The following LDHAL6A variants were observed in gnomAD, a reference collection of about 807,000 sequenced individuals.
LDHAL6A encodes the protein L-lactate dehydrogenase A-like 6A.
LDHAL6A carries 19 observed loss-of-function variants against 28.2 expected under a neutral mutation model. The ratio of observed to expected loss-of-function variants is 0.67; its 90% confidence interval spans 0.47 to 0.99. LDHAL6A has a LOEUF of 0.99. Among genes scored for constraint, LDHAL6A ranks in the 50% least tolerant of loss-of-function variants. LDHAL6A has a pLI of 0.00. For synonymous variants in LDHAL6A, 144 were observed against 134.4 expected (o/e 1.07, Z -0.49); for missense variants, 372 against 398.6 (o/e 0.93, Z 0.57).
intron 1 of LDHAL6A, among the ~76,000 whole-genome samples, chr11:18,458,274 G>T (rs941858400): frequency 6.6e-6 from 1 of 152,190 alleles, no homozygotes; most frequent in Non-Finnish European, 1.5e-5. Flanking sequence ...AAGGGCAGGA[G>T]TGCATTCCAT....
At chr11:18,472,250 T>C (rs1005728469) in intron 3 of LDHAL6A, among the ~76,000 whole-genome samples, 1 of 152,176 alleles carries the variant, frequency 6.6e-6, no homozygotes, top group African/African-American at 2.4e-5. Flanking sequence ...GGTTCTTCAC[T>C]TGACAGCTTT....
At position 18,469,775 on chromosome 11, in the gene LDHAL6A, C is replaced by G. The variant is rs368445053; in HGVS notation, c.418+3965C>G. On this transcript the variant is annotated intron_variant, in intron 3 of 6. Transcript: ENST00000280706. ...AAAATGGTCCACTAAGAACCATCTT[C>G]AAAATTTCAGGTGCTTCAAAAGTTA... Among the ~76,000 whole-genome samples the G allele has an allele frequency of 1.5e-3, 236 of 152,274 alleles. 1 individual carries two copies. Among genetic ancestry groups the G allele is most frequent in the African/African-American group, 5.0e-3 (209 of 41,566 alleles).
At chr11:18,475,383 T>C in intron 3 of LDHAL6A, 83 bp from the exon 4 acceptor site, 1 of 1,096,326 alleles carries the variant, frequency 9.1e-7, no homozygotes. Context: ...AAACATCAGA[T>C]TTACTAGTTT....
intron 6 of LDHAL6A, among the ~76,000 whole-genome samples, 157 bp from the exon 7 acceptor site, chr11:18,478,549 G>C (rs951876648): frequency 6.6e-6 from 1 of 151,892 alleles, no homozygotes; most frequent in South Asian, 2.1e-4. Context: ...GACAGAGCAA[G>C]AGTCCGTCTC....
At chr11:18,470,390 G>C (rs986371145) in intron 3 of LDHAL6A, among the ~76,000 whole-genome samples, 3 of 152,160 alleles carry the variant, frequency 2.0e-5, no homozygotes, top group Admixed American at 6.5e-5. Context: ...TGGTGGTTCT[G>C]TAGTAAAGGC....
chr11:18,472,964 T>C (rs1211556502), intron 3 of LDHAL6A, among the ~76,000 whole-genome samples: 1 of 152,168 alleles, frequency 6.6e-6, no homozygotes, highest in Non-Finnish European at 1.5e-5. Flanking sequence ...TGTGAATGGC[T>C]CTAAAAACCA....
intron 3 of LDHAL6A, among the ~76,000 whole-genome samples, chr11:18,471,842 T>G (rs1849264846): frequency 6.6e-6 from 1 of 150,944 alleles, no homozygotes; most frequent in Non-Finnish European, 1.5e-5. Flanking sequence ...TAATTGTTGA[T>G]TTAAGAGTAT....
chr11:18,456,347 G>T lies in LDHAL6A; in HGVS notation c.-334G>T. The T allele has an allele frequency of 4.2e-6, 1 of 239,508 alleles. No individual in the cohort carries two copies. The highest frequency in any genetic ancestry group is 8.1e-6 in the Non-Finnish European group (1 of 123,406). 14.8% of individuals were successfully genotyped at this position (239,508 alleles called of 1,614,324 possible). ...GGGGAGAGAAAAGGGGGTCAGCTGC[G>T]GGACGGAGTGCCGTCCCAGCTGTAG... On this transcript the variant is annotated 5_prime_UTR_variant, in exon 1 of 7. Coordinates refer to ENST00000280706, the MANE Select transcript of LDHAL6A (RefSeq NM_144972.5).
At chr11:18,466,376 G>A (rs1198379497) in intron 3 of LDHAL6A, among the ~76,000 whole-genome samples, 3 of 152,190 alleles carry the variant, frequency 2.0e-5, no homozygotes, top group Non-Finnish European at 4.4e-5. Flanking sequence ...TGTGAGGCCA[G>A]ATGCAGTGGC....
intron 1 of LDHAL6A, among the ~76,000 whole-genome samples, chr11:18,458,506 CTT>C (rs1015742661): frequency 3.2e-4 from 49 of 152,292 alleles, no homozygotes; most frequent in African/African-American, 1.2e-3. Context: ...ATTTGTATAT[CTT>C]AGGAAATAGG....
intron 1 of LDHAL6A, among the ~76,000 whole-genome samples, chr11:18,463,256 C>T (rs1035826874): frequency 2.0e-5 from 3 of 152,026 alleles, no homozygotes; most frequent in African/African-American, 7.2e-5. Flanking sequence ...AATGGGTTAT[C>T]AGGGGAGTGG....
At chr11:18,457,983 A>G (rs1357584037) in intron 1 of LDHAL6A, among the ~76,000 whole-genome samples, 3 of 152,236 alleles carry the variant, frequency 2.0e-5, no homozygotes, top group Admixed American at 2.0e-4. Flanking sequence ...AGATAAGTAT[A>G]CAGGTAATAT....
rs1404102745 is a variant in LDHAL6A at position 18,467,990 on chromosome 11, TGC to T, written c.418+2181_418+2182del. Among the ~76,000 whole-genome samples the T allele has an allele frequency of 5.8e-3, 244 of 42,078 alleles. 23 individuals are homozygous for T. Among genetic ancestry groups the T allele is most frequent in the African/African-American group, 0.035 (228 of 6,428 alleles). 27.6% of individuals were successfully genotyped at this position (42,078 alleles called of 152,430 possible). A position where few individuals can be genotyped will look rare whatever the true frequency, so the allele number is the denominator to read the frequency against. On this transcript the variant is annotated intron_variant, in intron 3 of 6. Transcript: ENST00000280706. The stretch of plus-strand genomic sequence containing the variant: ...ATACGTATATATATACGTATATATA[TGC>T]ATATATATACGTATATATATACATA...
intron 3 of LDHAL6A, 97 bp downstream of exon 3, chr11:18,465,907 T>C: frequency 5.0e-6 from 5 of 1,007,616 alleles, no homozygotes; most frequent in Non-Finnish European, 7.4e-6. Flanking sequence ...AGGTTTGGGG[T>C]AGGATTGATC....
At chr11:18,464,968 G>GTTTTTTTT (rs1565068644) in intron 2 of LDHAL6A, among the ~76,000 whole-genome samples, 96 of 3,726 alleles carry the variant, frequency 0.026, 1 homozygote, top group East Asian at 0.15. Context: ...GAGGTGAGGT[G>GTTTTTTTT]TTTTTTTTGT....
intron 3 of LDHAL6A, among the ~76,000 whole-genome samples, chr11:18,474,456 G>A (rs1231679132): frequency 2.0e-5 from 3 of 151,304 alleles, no homozygotes; most frequent in South Asian, 2.1e-4. Context: ...GCACGATCTC[G>A]GCTCACTGCA....
chr11:18,472,490 T>C (rs1208125809), intron 3 of LDHAL6A, among the ~76,000 whole-genome samples: 2 of 152,212 alleles, frequency 1.3e-5, no homozygotes, highest in Non-Finnish European at 2.9e-5. Context: ...TCATATCTTT[T>C]TAAAGTGTCT....
chr11:18,465,189 G>A (rs970179581), intron 2 of LDHAL6A, among the ~76,000 whole-genome samples: 46 of 151,684 alleles, frequency 3.0e-4, no homozygotes, highest in African/African-American at 8.5e-4. Flanking sequence ...TTGGAGTGTC[G>A]TGGTGTGATC....
intron 6 of LDHAL6A, 135 bp downstream of exon 6, chr11:18,477,878 A>C (rs1849429486): frequency 5.5e-6 from 4 of 724,310 alleles, no homozygotes; most frequent in East Asian, 6.0e-5. Flanking sequence ...TTTGCTGCTG[A>C]AGAGTGGGGA....
Sources: allele counts gnomAD v4.1 joint callset (sites outside exome capture counted in the v4.1 genomes callset), GRCh38; gene constraint gnomAD v4.1.1; transcripts MANE v1.5; gene names NCBI Gene and HGNC (gene_info 2026-07-23, HGNC 2026-07-21).